Variants in LARGE1 observed in about 807,000 individuals in gnomAD.
The protein encoded by LARGE1 is LARGE xylosyl- and glucuronyltransferase 1.
LARGE1 carries 43 observed loss-of-function variants against 87.6 expected under a neutral mutation model. The observed-to-expected ratio is 0.49, with a 90% CI of 0.38 to 0.63. The LOEUF is 0.63. LARGE1 is among the 30% of genes least tolerant of loss of function. The pLI is 0.00. For missense variants in LARGE1, 802 were observed against 1,000.2 expected, an observed-to-expected ratio of 0.80 and a Z score of 2.67; for synonymous variants, 434 against 394.6, an observed-to-expected ratio of 1.10 and a Z score of -1.18.
At chr22:33,433,945 G>A (rs182025458) in intron 6 of LARGE1, among the ~76,000 whole-genome samples, 4 of 152,090 alleles carry the variant, frequency 2.6e-5, no homozygotes, top group East Asian at 1.9e-4. Flanking sequence ...TCATCACCCC[G>A]GGCACAAATA....
chr22:33,345,563 G>A (rs1462757691), intron 9 of LARGE1, among the ~76,000 whole-genome samples: 2 of 152,204 alleles, frequency 1.3e-5, no homozygotes, highest in African/African-American at 2.4e-5. Flanking sequence ...AAGCATCAGG[G>A]GCCCCATGGG....
At chr22:33,135,702 C>G in the LARGE1 span, among the ~76,000 whole-genome samples, 1 of 151,934 alleles carries the variant, frequency 6.6e-6, no homozygotes, top group South Asian at 2.1e-4. Context: ...TAGCCGGGCA[C>G]GGTGGCACAT....
chr22:33,361,788 T>C (rs1316665440), intron 9 of LARGE1, among the ~76,000 whole-genome samples: 1 of 91,450 alleles, frequency 1.1e-5, no homozygotes, highest in Non-Finnish European at 2.6e-5. Context: ...TTAGGCTCCC[T>C]CACTTCCTTA....
chr22:33,852,920 T>C (rs1248219022), intron 1 of LARGE1, among the ~76,000 whole-genome samples: 1 of 71,330 alleles, frequency 1.4e-5, no homozygotes, highest in African/African-American at 4.6e-5. Flanking sequence ...GCTATGAAAA[T>C]AAAGAAAAAA....
chr22:33,278,888 T>A (rs571631088), intron 13 of LARGE1, among the ~76,000 whole-genome samples: 1 of 152,094 alleles, frequency 6.6e-6, no homozygotes, highest in African/African-American at 2.4e-5. Context: ...CCTGGCTAAT[T>A]TTTGTATTTT....
At chr22:33,309,892 A>C (rs1042608009) in intron 11 of LARGE1, among the ~76,000 whole-genome samples, 14 of 152,198 alleles carry the variant, frequency 9.2e-5, no homozygotes, top group Non-Finnish European at 1.8e-4. Flanking sequence ...AGACCACAGC[A>C]GGCGGGTGGG....
intron 7 of LARGE1, among the ~76,000 whole-genome samples, chr22:33,398,549 C>A (rs1410534266): frequency 1.3e-5 from 2 of 152,194 alleles, no homozygotes; most frequent in Non-Finnish European, 2.9e-5. Flanking sequence ...CAGATAGTTC[C>A]TTTTAACCAC....
the LARGE1 span, among the ~76,000 whole-genome samples, chr22:33,103,834 G>A: frequency 6.6e-6 from 1 of 152,102 alleles, no homozygotes; most frequent in Non-Finnish European, 1.5e-5. Context: ...CATGGGGGTG[G>A]TTTCCCTTAT....
At chr22:33,268,848 C>T (rs1035565812), downstream of LARGE1, among the ~76,000 whole-genome samples, 2 of 152,186 alleles carry the variant, frequency 1.3e-5, no homozygotes, top group Admixed American at 6.5e-5. Flanking sequence ...ATTGAATCAT[C>T]TCAGAAATGT....
chr22:33,092,152 C>T, the LARGE1 span, among the ~76,000 whole-genome samples: 1 of 152,208 alleles, frequency 6.6e-6, no homozygotes, highest in Admixed American at 6.5e-5. Context: ...CCTGCCTCAG[C>T]CTCCCAAAGT....
intron 2 of LARGE1, chr22:33,746,606 C>T (rs952392477): frequency 1.3e-5 from 2 of 152,164 alleles, no homozygotes; most frequent in Non-Finnish European, 2.9e-5. Context: ...TTATTAGAGT[C>T]CACAGGAAAG....
intron 7 of LARGE1, among the ~76,000 whole-genome samples, chr22:33,388,757 G>C (rs1212760873): frequency 6.6e-6 from 1 of 151,788 alleles, no homozygotes; most frequent in African/African-American, 2.4e-5. Flanking sequence ...AATAGAGATG[G>C]GGTTTCGCCA....
intron 5 of LARGE1, among the ~76,000 whole-genome samples, chr22:33,573,720 T>G (rs2078273704): frequency 6.6e-6 from 1 of 152,132 alleles, no homozygotes; most frequent in Non-Finnish European, 1.5e-5. Context: ...TTAACTCAAA[T>G]GGTTTCTGTG....
chr22:33,763,108 C>A (rs2084789359), intron 1 of LARGE1, among the ~76,000 whole-genome samples: 1 of 152,194 alleles, frequency 6.6e-6, no homozygotes, highest in Non-Finnish European at 1.5e-5. Context: ...GGCAGATACC[C>A]ACCCCATCAG....
intron 10 of LARGE1, among the ~76,000 whole-genome samples, chr22:33,327,712 G>C (rs548831882): frequency 3.7e-4 from 57 of 152,224 alleles, no homozygotes; most frequent in African/African-American, 1.2e-3. Flanking sequence ...TGTGTGGTTT[G>C]CTTATTTTTC....
At chr22:33,650,860 CTTA>C (rs971770556) in intron 2 of LARGE1, among the ~76,000 whole-genome samples, 192 bp from the exon 3 acceptor site, 1 of 152,148 alleles carries the variant, frequency 6.6e-6, no homozygotes, top group African/African-American at 2.4e-5. Flanking sequence ...AACAGAACAA[CTTA>C]TTATGGTGAT....
At chr22:33,323,877 CTCGCT>C (rs1240344734) in intron 10 of LARGE1, among the ~76,000 whole-genome samples, 1 of 152,182 alleles carries the variant, frequency 6.6e-6, no homozygotes, top group Non-Finnish European at 1.5e-5. Flanking sequence ...CTAATTTAGG[CTCGCT>C]TATTCCTGAC....
intron 6 of LARGE1, among the ~76,000 whole-genome samples, chr22:33,470,946 G>A (rs891752878): frequency 6.6e-6 from 1 of 151,960 alleles, no homozygotes; most frequent in African/African-American, 2.4e-5. Flanking sequence ...GTTGGTTGTT[G>A]TGAGGACCAT....
intron 6 of LARGE1, among the ~76,000 whole-genome samples, chr22:33,436,044 C>T (rs2067257785): frequency 6.6e-6 from 1 of 152,190 alleles, no homozygotes; most frequent in Non-Finnish European, 1.5e-5. Context: ...TGTGCCTTCC[C>T]AGCTTCTGTG....
Sources: gnomAD v4.1 joint callset for allele counts (sites outside exome capture counted in the v4.1 genomes callset) on GRCh38, gnomAD v4.1.1 for gene constraint, MANE v1.5 for transcripts, NCBI Gene and HGNC (gene_info 2026-07-23, HGNC 2026-07-21) for gene names.